ITGAM: variants seen among roughly 807,000 people sequenced by gnomAD.
ITGAM encodes integrin alpha-M.
ITGAM carries 79 observed loss-of-function variants against 137.5 expected under a neutral mutation model. The observed-to-expected ratio is 0.57, with a 90% confidence interval of 0.48 to 0.69. ITGAM has a LOEUF of 0.69. Ranked by LOEUF, ITGAM falls within the 30% of genes least tolerant of loss-of-function variation. The pLI is 0.00. For missense variants in ITGAM, 1,343 were observed against 1,483.5 expected, an observed-to-expected ratio of 0.91 and a Z score of 1.56; for synonymous variants, 583 against 592.3, an observed-to-expected ratio of 0.98 and a Z score of 0.23.
intron 12 of ITGAM, among the ~76,000 whole-genome samples, chr16:31,279,987 A>G (rs2079950411): frequency 6.7e-6 from 1 of 149,112 alleles, no homozygotes; most frequent in Non-Finnish European, 1.5e-5. Context: ...ACCATTATTA[A>G]ATAGGGAATC....
chr16:31,324,917 A>G lies in ITGAM; in HGVS notation c.2290-41A>G. ...TTGTTTAATTTCACAATACTTGGTT[A>G]TTTTCTTTCCTTTCATTTGATCATA... On this transcript the variant is annotated intron_variant, in intron 18 of 29. Transcript: ENST00000544665. This position sits in a 1 kb window ranked among gnomAD's most constrained non-coding sequence, Gnocchi z 4.5. 47 of 1,459,300 alleles carry G rather than the reference A, an allele frequency of 3.2e-5. No homozygotes were observed. Among genetic ancestry groups the G allele is most frequent in the Non-Finnish European group, 4.1e-5 (43 of 1,055,752 alleles). The allele number at this position is 1,459,300 out of a possible 1,614,324, so 90.4% of individuals were successfully genotyped here.
At chr16:31,305,796 C>A (rs1442595238) in intron 14 of ITGAM, among the ~76,000 whole-genome samples, 2 of 152,084 alleles carry the variant, frequency 1.3e-5, no homozygotes, top group South Asian at 2.1e-4. Flanking sequence ...ACCATTCCTG[C>A]GTCCTTGGGA....
chr16:31,329,027 TGA>T (rs1340643209), intron 23 of ITGAM, 199 bp from the exon 24 acceptor site: 1 of 635,038 alleles, frequency 1.6e-6, no homozygotes, highest in African/African-American at 1.8e-5. Context: ...CACGTGTGTG[TGA>T]GTGGCCCAAA....
chr16:31,308,336 T>C (rs1040931807), intron 14 of ITGAM, among the ~76,000 whole-genome samples: 8 of 152,188 alleles, frequency 5.3e-5, no homozygotes, highest in African/African-American at 1.9e-4. Flanking sequence ...AGTCTGTTAT[T>C]GGTCTATTCA....
intron 14 of ITGAM, among the ~76,000 whole-genome samples, chr16:31,302,458 CCTTT>C (rs143099983): frequency 0.018 from 1,993 of 111,858 alleles, 39 homozygotes; most frequent in Middle Eastern, 0.035. Flanking sequence ...TTTCTTCCTT[CCTTT>C]CTTTCTTTCT....
chr16:31,311,446 C>A (rs1268558185), intron 14 of ITGAM, among the ~76,000 whole-genome samples: 1 of 152,084 alleles, frequency 6.6e-6, no homozygotes, highest in Admixed American at 6.5e-5. Context: ...AAGAAAAAAA[C>A]AAACAACCCC....
chr16:31,330,874 T>TAGAG (rs10661830), intron 28 of ITGAM, among the ~76,000 whole-genome samples: 108,281 of 149,666 alleles, frequency 0.72, 39,933 homozygotes, highest in African/African-American at 0.88. Flanking sequence ...GAGATGGAGA[T>TAGAG]AGACAGAGAG....
chr16:31,275,680 G>A lies in ITGAM; in HGVS notation c.990G>A (p.Glu330=), dbSNP rs375400004. The A allele has an allele frequency of 1.9e-6, 3 of 1,613,710 alleles. No individual in the cohort carries two copies. The highest frequency in any genetic ancestry group is 2.5e-6 in the Non-Finnish European group (3 of 1,179,802). The change falls in exon 9 of 30, where the codon GAG becomes GAA. Residue 330 remains glutamate, a synonymous_variant. Transcript: ENST00000544665. ...AGACCATTCAGAACCAGCTTCGGGA[G>A]AAGATCTTTGCGATCGAGGGTGAGT... The part of the protein sequence containing the change: ...ALKTIQNQLR[E]KIFAIEGTQT...
chr16:31,310,318 A>G (rs889467313), intron 14 of ITGAM, among the ~76,000 whole-genome samples: 4 of 152,122 alleles, frequency 2.6e-5, no homozygotes, highest in African/African-American at 9.7e-5. Flanking sequence ...TCTCCCCGTC[A>G]CTTTCAGGTA....
Position 31,321,638 on chromosome 16 carries a change from G to C in ITGAM, c.2002+11G>C, listed in dbSNP as rs1330158097. The stretch of plus-strand genomic sequence containing the variant: ...ATCGGCTAAGAGAAGGTGAGGCTTG[G>C]TGGATGAGTCTCAAGAGGTTAAACG... On this transcript the variant is annotated intron_variant, in intron 16 of 29. Transcript: ENST00000544665. 3 of 1,612,480 alleles carry C rather than the reference G, an allele frequency of 1.9e-6. No homozygotes were observed. Among genetic ancestry groups the C allele is most frequent in the Middle Eastern group, 1.6e-4 (1 of 6,074 alleles).
At chr16:31,271,239 T>C (rs928408043) in intron 6 of ITGAM, among the ~76,000 whole-genome samples, 155 bp downstream of exon 6, 1 of 152,220 alleles carries the variant, frequency 6.6e-6, no homozygotes, top group African/African-American at 2.4e-5. Flanking sequence ...TCTGCTCTGT[T>C]GGATGCAGCC....
intron 5 of ITGAM, among the ~76,000 whole-genome samples, chr16:31,267,282 C>T (rs753194575): frequency 1.3e-5 from 2 of 152,082 alleles, no homozygotes; most frequent in African/African-American, 2.4e-5. Flanking sequence ...GGACCACAGG[C>T]GAATGTTTCT....
intron 12 of ITGAM, among the ~76,000 whole-genome samples, chr16:31,295,116 C>T (rs887316898): frequency 1.3e-5 from 2 of 152,102 alleles, no homozygotes; most frequent in African/African-American, 4.8e-5. Context: ...TGCTGTTATG[C>T]TTACTAGAGC....
At chr16:31,311,438 G>A (rs1369388611) in intron 14 of ITGAM, among the ~76,000 whole-genome samples, 2 of 151,936 alleles carry the variant, frequency 1.3e-5, no homozygotes, top group African/African-American at 4.8e-5. Context: ...AAATTTACAA[G>A]AAAAAAACAA....
At chr16:31,317,495 G>A (rs891103247) in intron 14 of ITGAM, among the ~76,000 whole-genome samples, 1 of 152,136 alleles carries the variant, frequency 6.6e-6, no homozygotes, top group Non-Finnish European at 1.5e-5. Flanking sequence ...CCAGAAAATA[G>A]GCTCTCACCA....
chr16:31,331,737 G>A lies in ITGAM; in HGVS notation c.*30G>A. On this transcript the variant is annotated 3_prime_UTR_variant, in exon 30 of 30. Transcript: ENST00000544665. ...TCCTTCCCGACAGAGCTGCCTCTCG[G>A]TGGCCAGCAGGACTCTGCCCAGACC... is the stretch of plus-strand genomic sequence containing the variant. The A allele has an allele frequency of 6.5e-7, 1 of 1,544,208 alleles. No individual in the cohort carries two copies.
intron 14 of ITGAM, among the ~76,000 whole-genome samples, chr16:31,316,727 C>G (rs1341776484): frequency 6.6e-6 from 1 of 152,136 alleles, no homozygotes; most frequent in Non-Finnish European, 1.5e-5. Context: ...TAAAAATATT[C>G]TTTCAATCCA....
chr16:31,286,971 C>T (rs1403238614), intron 12 of ITGAM, among the ~76,000 whole-genome samples: 3 of 151,976 alleles, frequency 2.0e-5, no homozygotes, highest in Non-Finnish European at 2.9e-5. Flanking sequence ...TTTAATAGTT[C>T]GAGGGCTCAC....
intron 6 of ITGAM, 67 bp from the exon 7 acceptor site, chr16:31,271,780 C>A: frequency 1.9e-6 from 3 of 1,588,896 alleles, no homozygotes; most frequent in South Asian, 1.1e-5. Context: ...CTTCGTGGAG[C>A]TTGCTGGGAG....
Sources: allele counts gnomAD v4.1 joint callset (sites outside exome capture counted in the v4.1 genomes callset), GRCh38; gene constraint gnomAD v4.1.1; non-coding constraint Gnocchi (gnomAD v3.1); transcripts MANE v1.5; gene names NCBI Gene and HGNC (gene_info 2026-07-23, HGNC 2026-07-21).